Variants in PTP4A1 observed in about 807,000 individuals in gnomAD.
PTP4A1 encodes protein tyrosine phosphatase type IVA 1.
A neutral mutation model predicts 20.5 loss-of-function variants in PTP4A1; 9 were observed. The ratio of observed to expected loss-of-function variants is 0.44; its 90% confidence interval spans 0.26 to 0.77. The LOEUF (loss-of-function observed/expected upper bound fraction) is 0.77. Ranked by LOEUF, PTP4A1 falls within the 30% of genes least tolerant of loss-of-function variation. The pLI is 0.19. For missense variants in PTP4A1, 137 were observed against 218.8 expected (o/e 0.63, Z 2.36); for synonymous variants, 78 against 67.4 (o/e 1.16, Z -0.77).
At chr6:63,548,871 C>T in intron 2 of PTP4A1, 1 of 774,176 alleles carries the variant, frequency 1.3e-6, no homozygotes, top group Non-Finnish European at 2.3e-6. Context: ...AGCCAAAGCG[C>T]CTTTGTCTTC....
At chr6:63,529,147 A>G (rs1424840175) in intron 2 of PTP4A1, among the ~76,000 whole-genome samples, 1 of 121,588 alleles carries the variant, frequency 8.2e-6, no homozygotes, top group Admixed American at 8.5e-5. Flanking sequence ...GTATATATAT[A>G]TGTATATATA....
At chr6:63,566,183 T>C (rs151058955) in intron 3 of PTP4A1, among the ~76,000 whole-genome samples, 1 of 152,336 alleles carries the variant, frequency 6.6e-6, no homozygotes, top group East Asian at 1.9e-4. Context: ...CCAAACCATT[T>C]GAAGACAGGG....
chr6:63,526,589 C>T (rs760235685), intron 1 of PTP4A1, among the ~76,000 whole-genome samples: 5 of 151,498 alleles, frequency 3.3e-5, no homozygotes, highest in African/African-American at 4.9e-5. Flanking sequence ...GCAGGCGGAT[C>T]GCAAGGTAAG....
intron 3 of PTP4A1, among the ~76,000 whole-genome samples, chr6:63,555,915 T>C (rs1296598812): frequency 1.3e-5 from 2 of 152,038 alleles, no homozygotes; most frequent in Non-Finnish European, 2.9e-5. Context: ...GCTGGCGAAC[T>C]CCTGGCCTCA....
chr6:63,537,078 T>C lies in PTP4A1; in HGVS notation c.-640+8994T>C, dbSNP rs533630916. 3.3e-5 allele frequency among the ~76,000 whole-genome samples: 5 copies of C among 152,228 alleles called. No homozygotes were observed. The East Asian group carries it at 5.8e-4, about 18-fold the overall frequency. ...GTTAAATTAAAATTAAATTAAATAT[T>C]TTTAGAAACTAAAGTGAAAGGGGCT... On this transcript the variant is annotated intron_variant, in intron 2 of 3. Transcript: ENST00000639568.
intron 2 of PTP4A1, among the ~76,000 whole-genome samples, chr6:63,532,826 T>C (rs180752587): frequency 1.3e-5 from 2 of 152,184 alleles, no homozygotes; most frequent in Admixed American, 1.3e-4. Context: ...CCAAAAAATA[T>C]CGTCTGGAAA....
intron 3 of PTP4A1, among the ~76,000 whole-genome samples, chr6:63,554,324 A>T (rs1776578023): frequency 6.6e-6 from 1 of 152,186 alleles, no homozygotes; most frequent in South Asian, 2.1e-4. Flanking sequence ...TTATCATAAT[A>T]CTGGGAGTAT....
intron 3 of PTP4A1, among the ~76,000 whole-genome samples, chr6:63,560,085 A>G (rs1240613154): frequency 6.6e-6 from 1 of 152,194 alleles, no homozygotes; most frequent in Non-Finnish European, 1.5e-5. Flanking sequence ...CATAGTTTTC[A>G]TCATTTACAA....
chr6:63,531,188 G>T (rs1423680968), intron 2 of PTP4A1, among the ~76,000 whole-genome samples: 2 of 152,118 alleles, frequency 1.3e-5, no homozygotes, highest in East Asian at 3.9e-4. Flanking sequence ...AGCAATGAGG[G>T]CTACCTGCTT....
At position 63,582,346 on chromosome 6, in the gene PTP4A1, TG is replaced by T. The variant is rs1449253453; in HGVS notation, c.*2173del. On this transcript the variant is annotated 3_prime_UTR_variant, in exon 6 of 6. Coordinates refer to ENST00000626021, the MANE Select transcript of PTP4A1 (RefSeq NM_003463.5). ...ATCATGATTAATGAAAACTATCTTT[TG>T]AGTTTGAAAAGAAATTAATTTGCAG... is the stretch of plus-strand genomic sequence containing the variant. 1 of 152,654 alleles carries T rather than the reference TG, an allele frequency of 6.6e-6. No individual in the cohort carries two copies. Among genetic ancestry groups the T allele is most frequent in the African/African-American group, 2.4e-5 (1 of 41,472 alleles). The allele number at this position is 152,654 out of a possible 1,614,324, so 9.5% of individuals were successfully genotyped here. A position where few individuals can be genotyped will look rare whatever the true frequency, so the allele number is the denominator to read the frequency against.
At chr6:63,552,070 G>A (rs1441591994) in intron 3 of PTP4A1, among the ~76,000 whole-genome samples, 3 of 152,270 alleles carry the variant, frequency 2.0e-5, no homozygotes, top group South Asian at 2.1e-4. Flanking sequence ...TAATGGGATG[G>A]CTGGGTCAAA....
At chr6:63,519,571 G>A (rs1044056075), upstream of PTP4A1, among the ~76,000 whole-genome samples, 10 of 152,126 alleles carry the variant, frequency 6.6e-5, no homozygotes, top group Non-Finnish European at 1.2e-4. Flanking sequence ...CATATGCCAA[G>A]TTTGTTCCAT....
At chr6:63,570,572 G>A (rs1159106607), upstream of PTP4A1, among the ~76,000 whole-genome samples, 1 of 152,172 alleles carries the variant, frequency 6.6e-6, no homozygotes, top group African/African-American at 2.4e-5. Context: ...CTCACAACTT[G>A]TATCACAAGT....
intron 1 of PTP4A1, among the ~76,000 whole-genome samples, chr6:63,525,753 G>C (rs1775135707): frequency 6.6e-6 from 1 of 152,086 alleles, no homozygotes; most frequent in African/African-American, 2.4e-5. Flanking sequence ...CTTTCCCTGT[G>C]TATTTGTTCC....
At chr6:63,550,111 G>C (rs868224285) in intron 2 of PTP4A1, among the ~76,000 whole-genome samples, 73 of 152,180 alleles carry the variant, frequency 4.8e-4, no homozygotes, top group African/African-American at 1.6e-3. Flanking sequence ...CGTTTAAACA[G>C]ATAAATTTTA....
chr6:63,526,016 A>G (rs578050839), intron 1 of PTP4A1, among the ~76,000 whole-genome samples: 4 of 152,248 alleles, frequency 2.6e-5, no homozygotes, highest in Middle Eastern at 3.4e-3. Context: ...TTCAACCACT[A>G]TATTTTATTG....
At chr6:63,548,801 G>A (rs1314491774) in intron 2 of PTP4A1, 1 of 732,526 alleles carries the variant, frequency 1.4e-6, no homozygotes, top group African/African-American at 1.7e-5. Context: ...TGCCTCCCCA[G>A]TGACGGCGGA....
At chr6:63,564,265 G>T (rs1777088644) in intron 3 of PTP4A1, among the ~76,000 whole-genome samples, 1 of 145,158 alleles carries the variant, frequency 6.9e-6, no homozygotes, top group African/African-American at 2.6e-5. Flanking sequence ...GACAGAGCGA[G>T]ACTCTGTCTC....
chr6:63,569,406 G>T (rs571566282), upstream of PTP4A1, among the ~76,000 whole-genome samples: 6 of 152,236 alleles, frequency 3.9e-5, no homozygotes, highest in South Asian at 1.2e-3. Context: ...AGAGGTGCCT[G>T]CCACCATGCC....
Sources: allele counts gnomAD v4.1 joint callset (sites outside exome capture counted in the v4.1 genomes callset), GRCh38; gene constraint gnomAD v4.1.1; transcripts MANE v1.5; gene names NCBI Gene and HGNC (gene_info 2026-07-23, HGNC 2026-07-21).